AVL9: variants seen among roughly 807,000 people sequenced by gnomAD.
The protein encoded by AVL9 is late secretory pathway protein AVL9 homolog.
In AVL9, 49 loss-of-function variants were observed where a neutral mutation model predicts 79.2. The ratio of observed to expected loss-of-function variants is 0.62; its 90% confidence interval spans 0.49 to 0.79. The LOEUF is 0.79. AVL9 is among the 30% of genes least tolerant of loss of function. The probability of loss-of-function intolerance (pLI) is 0.00; values close to 1 mark genes in which losing one functional copy is unlikely to be tolerated. For missense variants in AVL9, 682 were observed against 776.8 expected (o/e 0.88, Z 1.45); for synonymous variants, 299 against 280.6 (o/e 1.07, Z -0.65).
At chr7:32,558,814 A>G (rs1314393162) in intron 9 of AVL9, 115 bp from the exon 10 acceptor site, 1 of 1,109,600 alleles carries the variant, frequency 9.0e-7, no homozygotes, top group Non-Finnish European at 1.3e-6. Context: ...GTTTTTAATT[A>G]AAATGTGTAC....
At chr7:32,539,801 C>T (rs572913815) in intron 1 of AVL9, among the ~76,000 whole-genome samples, 1 of 152,238 alleles carries the variant, frequency 6.6e-6, no homozygotes, top group East Asian at 1.9e-4. Flanking sequence ...AGGAGAGACT[C>T]GATTTTCTTG....
chr7:32,547,609 A>C (rs1172670211), intron 3 of AVL9, among the ~76,000 whole-genome samples: 1 of 152,072 alleles, frequency 6.6e-6, no homozygotes, highest in African/African-American at 2.4e-5. Context: ...GTTCTGACCC[A>C]CTCAGGAGTA....
At chr7:32,497,797 G>A (rs1245798826) in intron 1 of AVL9, among the ~76,000 whole-genome samples, 1 of 151,472 alleles carries the variant, frequency 6.6e-6, no homozygotes, top group African/African-American at 2.4e-5. Flanking sequence ...GACTACAGGC[G>A]CCCGCCACCG....
At chr7:32,535,539 A>G (rs1788863560) in intron 1 of AVL9, 1 of 152,168 alleles carries the variant, frequency 6.6e-6, no homozygotes, top group South Asian at 2.1e-4. Context: ...CAAAATACTC[A>G]CTACCCACAT....
chr7:32,580,165 T>C, intron 13 of AVL9, 54 bp from the exon 14 acceptor site: 1 of 1,394,248 alleles, frequency 7.2e-7, no homozygotes, highest in Non-Finnish European at 1.0e-6. Context: ...GATAACTCTT[T>C]TTGCAGCCTT....
At position 32,587,420 on chromosome 7, in the gene AVL9, T is replaced by A. The variant is rs1562809685; in HGVS notation, c.*3513T>A. On this transcript the variant is annotated 3_prime_UTR_variant, in exon 16 of 16. Coordinates refer to ENST00000318709, the MANE Select transcript of AVL9 (RefSeq NM_015060.3). ...TTGTGAAAAAAAGTTTTGTAGAAGT[T>A]ACAGCTAGTGGTCTTTTCCCTCCAG... 6.6e-6 allele frequency: 1 copy of A among 152,232 alleles called. No individual in the cohort carries two copies. The highest frequency in any genetic ancestry group is 1.5e-5 in the Non-Finnish European group (1 of 68,044). 9.4% of individuals were successfully genotyped at this position (152,232 alleles called of 1,614,324 possible). A position where few individuals can be genotyped will look rare whatever the true frequency, so the allele number is the denominator to read the frequency against.
chr7:32,541,380 AGATT>A (rs1289943928), intron 1 of AVL9, among the ~76,000 whole-genome samples: 3 of 152,182 alleles, frequency 2.0e-5, no homozygotes, highest in Non-Finnish European at 4.4e-5. Context: ...ATTTTCAAAA[AGATT>A]GTTTAGTAAT....
At chr7:32,549,941 A>AAGAAAAGAAAAGGAATGGC (rs1562781865) in intron 4 of AVL9, among the ~76,000 whole-genome samples, 52 of 146,842 alleles carry the variant, frequency 3.5e-4, no homozygotes, top group African/African-American at 1.3e-3. Context: ...GAAAGAAAGA[A>AAGAAAAGAAAAGGAATGGC]AAAAAAGAAA....
chr7:32,506,472 A>C (rs922020748), intron 1 of AVL9, among the ~76,000 whole-genome samples: 13 of 152,312 alleles, frequency 8.5e-5, no homozygotes, highest in African/African-American at 2.6e-4. Flanking sequence ...ATGATTCACA[A>C]GTCAAGTGGA....
intron 1 of AVL9, chr7:32,536,503 G>C (rs766569623): frequency 6.6e-6 from 1 of 150,386 alleles, no homozygotes; most frequent in African/African-American, 2.5e-5. Flanking sequence ...TACAATTTAA[G>C]ATTTAAATAT....
At chr7:32,569,991 A>T in intron 10 of AVL9, 29 bp from the exon 11 acceptor site, 2 of 1,610,574 alleles carry the variant, frequency 1.2e-6, no homozygotes, top group African/African-American at 2.7e-5. Context: ...TACTTTTCTG[A>T]TATTTTCTAT....
In AVL9 at chr7:32,522,552, T is replaced by C. The variant is rs34633486; in HGVS notation, c.94-20589T>C. On this transcript the variant is annotated intron_variant, in intron 1 of 15. Transcript: ENST00000318709. ...ACACCCATTGTATCTAGGAAGTAAC[T>C]AGCTTGCTTTTGATTTTACAGGCCC... 6.3e-3 allele frequency among the ~76,000 whole-genome samples: 954 copies of C among 152,314 alleles called. 6 individuals carry two copies. The highest frequency in any genetic ancestry group is 9.9e-3 in the Non-Finnish European group (671 of 68,006).
chr7:32,531,637 G>C (rs1186617861), intron 1 of AVL9: 1 of 152,146 alleles, frequency 6.6e-6, no homozygotes, highest in Non-Finnish European at 1.5e-5. Flanking sequence ...GAGCGAATGA[G>C]GTGGGAACTG....
chr7:32,573,089 A>G, intron 11 of AVL9, 110 bp from the exon 12 acceptor site: 1 of 767,846 alleles, frequency 1.3e-6, no homozygotes, highest in East Asian at 2.7e-5. Flanking sequence ...GAATGCCATT[A>G]TTCATATTTT....
At chr7:32,502,878 T>C (rs957389140) in intron 1 of AVL9, among the ~76,000 whole-genome samples, 7 of 152,244 alleles carry the variant, frequency 4.6e-5, no homozygotes, top group Non-Finnish European at 8.8e-5. Flanking sequence ...GATATGTTAG[T>C]AATTATTTCC....
chr7:32,575,999 G>A lies in AVL9; in HGVS notation c.1615G>A (p.Ala539Thr). 1 of 1,614,050 alleles carries A rather than the reference G, an allele frequency of 6.2e-7. No homozygotes were observed. The highest frequency in any genetic ancestry group is 8.5e-7 in the Non-Finnish European group (1 of 1,179,926). The part of the protein sequence containing the change: ...LSDYGTTFVT[A>T]WKNTHNYRVW... Reference sequence around the variant, plus strand: ...GGACTATGGGACAACTTTTGTTACAGCATGGAAGAATACTCACAACTACAG... The same window carrying A: ...GGACTATGGGACAACTTTTGTTACAACATGGAAGAATACTCACAACTACAG... Residue 539 changes from alanine to threonine, a missense_variant, in exon 13 of 16, where the codon GCA (alanine) becomes ACA (threonine). Physicochemically the swap from Ala to Thr is moderately conservative, Grantham distance 58 (BLOSUM62 0). Transcript: ENST00000318709.
At chr7:32,574,578 T>C (rs1463916021) in intron 12 of AVL9, among the ~76,000 whole-genome samples, 1 of 149,550 alleles carries the variant, frequency 6.7e-6, no homozygotes, top group Admixed American at 6.7e-5. Context: ...AGTAGCTCAC[T>C]TTTTTTTTTG....
intron 15 of AVL9, 48 bp downstream of exon 15, chr7:32,580,938 A>G (rs765835912): frequency 4.5e-6 from 6 of 1,333,646 alleles, no homozygotes; most frequent in East Asian, 2.3e-5. Context: ...CAACACATCC[A>G]TTTTCTATCT....
chr7:32,520,452 A>G (rs1788090771), intron 1 of AVL9, among the ~76,000 whole-genome samples: 1 of 152,190 alleles, frequency 6.6e-6, no homozygotes, highest in African/African-American at 2.4e-5. Flanking sequence ...ATCCAAAGGC[A>G]TAGGAGGTTA....
Sources: gnomAD v4.1 joint callset for allele counts (sites outside exome capture counted in the v4.1 genomes callset) on GRCh38, gnomAD v4.1.1 for gene constraint, MANE v1.5 for transcripts, NCBI Gene and HGNC (gene_info 2026-07-23, HGNC 2026-07-21) for gene names.